The following ADPRHL1 variants were observed in gnomAD, a reference collection of about 807,000 sequenced individuals.
ADPRHL1 encodes ADP-ribosylhydrolase like 1.
ADPRHL1 carries 43 observed loss-of-function variants against 44.1 expected under a neutral mutation model. The ratio of observed to expected loss-of-function variants is 0.98; its 90% CI spans 0.76 to 1.26. The LOEUF is 1.26. ADPRHL1 is among the 50% of genes most tolerant of loss of function. The probability of loss-of-function intolerance (pLI) is 0.00; values close to 1 mark genes in which losing one functional copy is unlikely to be tolerated. For synonymous variants in ADPRHL1, 878 were observed against 1,017.4 expected (o/e 0.86, Z 2.61); for missense variants, 2,022 against 2,496.9 (o/e 0.81, Z 4.05).
chr13:113,422,608 G>C, intron 7 of ADPRHL1: 1 of 647,052 alleles, frequency 1.5e-6, no homozygotes, highest in South Asian at 2.0e-5. Flanking sequence ...TGTCAATGTT[G>C]ATGGTGGAGG....
Position 113,403,282 on chromosome 13 carries a change from A to G in ADPRHL1, c.*96T>C. 1 of 1,015,312 alleles carries G rather than the reference A, an allele frequency of 9.8e-7. No homozygotes were observed. The highest frequency in any genetic ancestry group is 1.3e-6 in the Non-Finnish European group (1 of 790,894). The allele number at this position is 1,015,312 out of a possible 1,614,324, so 62.9% of individuals were successfully genotyped here. On this transcript the variant is annotated 3_prime_UTR_variant, in exon 8 of 8. Coordinates refer to ENST00000612156, the MANE Select transcript of ADPRHL1 (RefSeq NM_001394807.1). ...ATGGAAACAGGCGTCTCTGTAGGGG[A>G]TGCTCCAAGACGCATTTGGAGGCAG...
In ADPRHL1 at chr13:113,433,664, A is replaced by G; in HGVS notation, c.505+78T>C. 30 of 1,192,642 alleles carry G rather than the reference A, an allele frequency of 2.5e-5. No individual in the cohort carries two copies. In the South Asian group the frequency reaches 5.1e-4, roughly 20 times the overall value. The allele number at this position is 1,192,642 out of a possible 1,614,324, so 73.9% of individuals were successfully genotyped here. On this transcript the variant is annotated intron_variant, in intron 3 of 7. Coordinates refer to ENST00000612156, the MANE Select transcript of ADPRHL1 (RefSeq NM_001394807.1). ...TCCAGGCCCCCGCCCCCCACCCCAC[A>G]CTTAACCTGTGAGGTGGTTGTGGGT... is the stretch of plus-strand genomic sequence containing the variant.
At chr13:113,436,172 T>C (rs77838048) in intron 2 of ADPRHL1, among the ~76,000 whole-genome samples, 4 of 146,552 alleles carry the variant, frequency 2.7e-5, no homozygotes, top group African/African-American at 5.2e-5. Context: ...AGGGTGAACA[T>C]AGGTGTACCC....
Position 113,400,858 on chromosome 13 carries a change from C to G in ADPRHL1, c.*2520G>C, listed in dbSNP as rs891833986. ...CGCCAGACTGTGAGAGGGGTTCAGG[C>G]ACGACACTTCCGGAGCTGTCATCTG... On this transcript the variant is annotated 3_prime_UTR_variant, in exon 8 of 8. Coordinates refer to ENST00000612156, the MANE Select transcript of ADPRHL1 (RefSeq NM_001394807.1). The G allele has an allele frequency of 3.9e-5, 6 of 152,236 alleles. No homozygotes were observed. Among genetic ancestry groups the G allele is most frequent in the Admixed American group, 3.9e-4 (6 of 15,278 alleles). 9.4% of individuals were successfully genotyped at this position (152,236 alleles called of 1,614,324 possible).
At chr13:113,435,023 G>T (rs1411451513) in intron 2 of ADPRHL1, among the ~76,000 whole-genome samples, 1 of 126,450 alleles carries the variant, frequency 7.9e-6, no homozygotes, top group African/African-American at 3.1e-5. Flanking sequence ...CCGGCACCCA[G>T]GTGTAGAGTG....
intron 2 of ADPRHL1, among the ~76,000 whole-genome samples, chr13:113,439,209 G>A (rs529345189): frequency 1.4e-4 from 21 of 151,064 alleles, no homozygotes; most frequent in Non-Finnish European, 2.7e-4. Context: ...TGCAACCTCC[G>A]CCTCCCGGGT....
chr13:113,446,934 T>C (rs1291528689), intron 1 of ADPRHL1, among the ~76,000 whole-genome samples: 5 of 146,078 alleles, frequency 3.4e-5, no homozygotes, highest in Non-Finnish European at 7.5e-5. Flanking sequence ...AAGTTGTATG[T>C]GCATGGTGTC....
chr13:113,444,565 T>TA lies in ADPRHL1; in HGVS notation c.238dup (p.Tyr80LeufsTer13), dbSNP rs778294599. 7.4e-6 allele frequency: 12 copies of TA among 1,614,010 alleles called. No individual in the cohort carries two copies. The highest frequency in any genetic ancestry group is 3.3e-5 in the Admixed American group (2 of 59,994). On this transcript the variant is annotated frameshift_variant, in exon 2 of 8. Coordinates refer to ENST00000612156, the MANE Select transcript of ADPRHL1 (RefSeq NM_001394807.1). LOFTEE classifies it high-confidence loss of function. ...CACATAGCATCTCACCATCTCCCGG[T>TA]ACAGATCATCCAGGCACCAGTAGTC...
chr13:113,411,092 G>C (rs1566466774), intron 7 of ADPRHL1, among the ~76,000 whole-genome samples: 1 of 152,206 alleles, frequency 6.6e-6, no homozygotes, highest in Non-Finnish European at 1.5e-5. Context: ...AGGCCACCAG[G>C]CTCAGCCACG....
rs891299069 is a variant in ADPRHL1 at position 113,405,144 on chromosome 13, G to A, written c.4138C>T (p.Gln1380Ter). Residue 1380 changes from glutamine to a stop codon, truncating the protein, a stop_gained, in exon 8 of 8, where the codon CAA becomes TAA. Transcript: ENST00000612156. LOFTEE classifies it low-confidence loss of function (END_TRUNC). ...TCCTCCTGTGCCTGGTGACTCTGTT[G>A]CCTCCCCAGGTCCGCCTGTGTCAGG... Reference protein sequence around the residue: ...RPLTQADLGRQQSHQAQEETP... With the variant: ...RPLTQADLGR 2.0e-5 allele frequency: 25 copies of A among 1,232,030 alleles called. No individual in the cohort carries two copies. Among genetic ancestry groups the A allele is most frequent in the Non-Finnish European group, 2.2e-5 (22 of 988,264 alleles). 76.3% of individuals were successfully genotyped at this position (1,232,030 alleles called of 1,614,324 possible).
chr13:113,419,501 C>T (rs143515892), intron 7 of ADPRHL1, among the ~76,000 whole-genome samples: 5 of 152,190 alleles, frequency 3.3e-5, no homozygotes, highest in South Asian at 2.1e-4. Context: ...AGATGCACCA[C>T]AATTTCAGAA....
rs750996480 is a variant in ADPRHL1, at chr13:113,425,073, A to G, written c.753T>C (p.Tyr251=). The change falls in exon 5 of 8, where the codon TAT becomes TAC. Residue 251 remains tyrosine (Y), a synonymous_variant. Transcript: ENST00000612156. The part of the protein sequence containing the change: ...SENKAIFPDN[Y]DAEEREKTYR... ...TTACCTTTTCCCTCTCTTCTGCATC[A>G]TAATTGTCGGGGAAGATGGCTTTAT... The G allele has an allele frequency of 2.5e-6, 4 of 1,613,574 alleles. No homozygotes were observed. Among genetic ancestry groups the G allele is most frequent in the Non-Finnish European group, 2.5e-6 (3 of 1,179,918 alleles).
chr13:113,446,716 T>C (rs891781500), intron 1 of ADPRHL1, among the ~76,000 whole-genome samples: 2 of 152,150 alleles, frequency 1.3e-5, no homozygotes, highest in Non-Finnish European at 2.9e-5. Flanking sequence ...GATATTGTCA[T>C]AAATGCATAG....
chr13:113,447,360 T>C (rs1462277487), intron 1 of ADPRHL1, among the ~76,000 whole-genome samples: 1 of 151,554 alleles, frequency 6.6e-6, no homozygotes, highest in Non-Finnish European at 1.5e-5. Flanking sequence ...CGGTGTTGTG[T>C]GTGTATGGCG....
Position 113,425,151 on chromosome 13 carries a change from T to G in ADPRHL1, c.675A>C (p.Glu225Asp). 6.2e-7 allele frequency: 1 copy of G among 1,603,214 alleles called. No homozygotes were observed. Among genetic ancestry groups the G allele is most frequent in the South Asian group, 1.1e-5 (1 of 90,962 alleles). ...AEYQEHWFYF[E>D]AKWQFYLEER... ...CCTCCAAATAAAATTGCCATTTAGC[T>G]TCAAAGTAAAACCAGTGCTCCTGGT... The change falls in exon 5 of 8, where the codon GAA (glutamate) becomes GAC (aspartate). Residue 225 changes from glutamate to aspartate, a missense_variant. By Grantham distance (45) the Glu-to-Asp change is conservative (BLOSUM62 2). This residue lies in a region of ADPRHL1 where 437 missense variants were observed against 430.7 expected (regional missense o/e 1.01). Coordinates refer to ENST00000612156, the MANE Select transcript of ADPRHL1 (RefSeq NM_001394807.1).
In ADPRHL1 at chr13:113,403,771, C is replaced by T. The variant is rs2139589246; in HGVS notation, c.5511G>A (p.Gly1837=). ...CATCCCTGGGGGCTGGGCTTCTGGA[C>T]CCCCCACTCCTGCCAGCAGCATCCA... ...EGVDAAGRSG[G]SRSPAPRDGG... is the part of the protein sequence containing the mutation. The change falls in exon 8 of 8, where the codon GGG becomes GGA. Residue 1837 remains glycine (G), a synonymous_variant. Transcript: ENST00000612156. 3 of 1,232,952 alleles carry T rather than the reference C, an allele frequency of 2.4e-6. No homozygotes were observed. Among genetic ancestry groups the T allele is most frequent in the South Asian group, 8.2e-5 (2 of 24,446 alleles). 76.4% of individuals were successfully genotyped at this position (1,232,952 alleles called of 1,614,324 possible).
chr13:113,409,329 C>G lies in ADPRHL1; in HGVS notation c.1062-1109G>C, dbSNP rs1029298125. 2 of 985,224 alleles carry G rather than the reference C, an allele frequency of 2.0e-6. No individual in the cohort carries two copies. Among genetic ancestry groups the G allele is most frequent in the Non-Finnish European group, 2.4e-6 (2 of 829,934 alleles). The allele number at this position is 985,224 out of a possible 1,614,324, so 61.0% of individuals were successfully genotyped here. A position where few individuals can be genotyped will look rare whatever the true frequency, so the allele number is the denominator to read the frequency against. On this transcript the variant is annotated intron_variant, in intron 7 of 7. Coordinates refer to ENST00000612156, the MANE Select transcript of ADPRHL1 (RefSeq NM_001394807.1). The surrounding 1 kb of genome is among the most constrained non-coding windows in gnomAD (Gnocchi z 4.2). ...TCCCCAGATGATAATTTTGGGTAGA[C>G]GCACCCAGAATCTTAGCTGTCACAC...
At chr13:113,419,055 T>TTTCC (rs1566470041) in intron 7 of ADPRHL1, among the ~76,000 whole-genome samples, 1 of 126,188 alleles carries the variant, frequency 7.9e-6, no homozygotes, top group African/African-American at 2.9e-5. Flanking sequence ...CCTTCCTTCT[T>TTTCC]CTCCTTCCTT....
Position 113,403,511 on chromosome 13 carries a change from T to G in ADPRHL1, c.5771A>C (p.Glu1924Ala), listed in dbSNP as rs2043778856. 1 of 1,231,972 alleles carries G rather than the reference T, an allele frequency of 8.1e-7. No homozygotes were observed. The highest frequency in any genetic ancestry group is 1.0e-6 in the Non-Finnish European group (1 of 988,016). The allele number at this position is 1,231,972 out of a possible 1,614,324, so 76.3% of individuals were successfully genotyped here. Residue 1924 changes from glutamate to alanine, a missense_variant, in exon 8 of 8, where the codon GAG becomes GCG. Glu to Ala is a moderately radical substitution (Grantham distance 107, BLOSUM62 -1). This residue lies in a region of ADPRHL1 where 205 missense variants were observed against 250.1 expected (regional missense o/e 0.82). Transcript: ENST00000612156. Reference sequence around the variant, plus strand: ...CCTGGACCTCCCGCGACGCTCGGGCTCCGATGCCTCCATCCTGTCCTGCAG... The same window carrying G: ...CCTGGACCTCCCGCGACGCTCGGGCGCCGATGCCTCCATCCTGTCCTGCAG... ...RALQDRMEAS[E>A]PERRGRSRHL...
Sources: gnomAD v4.1 joint callset for allele counts (sites outside exome capture counted in the v4.1 genomes callset) on GRCh38, gnomAD v4.1.1 for gene constraint, gnomAD v4.1.1 regional missense constraint, Gnocchi (gnomAD v3.1) non-coding constraint, MANE v1.5 for transcripts, NCBI Gene and HGNC (gene_info 2026-07-23, HGNC 2026-07-21) for gene names.